Variants in RBFOX1 observed in about 807,000 individuals in gnomAD.
The protein encoded by RBFOX1 is RNA binding protein fox-1 homolog 1.
RBFOX1 carries 8 observed loss-of-function variants against 57.7 expected under a neutral mutation model. The observed-to-expected ratio is 0.14, with a 90% confidence interval of 0.08 to 0.25. RBFOX1 has a LOEUF of 0.25. Among genes scored for constraint, RBFOX1 ranks in the 10% least tolerant of loss-of-function variants. RBFOX1 has a pLI of 1.00. For synonymous variants in RBFOX1, 326 were observed against 222.4 expected (o/e 1.47, Z -4.15); for missense variants, 611 against 548.5 (o/e 1.11, Z -1.14).
rs561056033 is a variant in RBFOX1, at chr16:7,570,808, T to C, written c.271-8969T>C. Among the ~76,000 whole-genome samples, 6 of 152,290 alleles carry C rather than the reference T, an allele frequency of 3.9e-5. No homozygotes were observed. The East Asian group carries it at 1.2e-3, about 29-fold the overall frequency. On this transcript the variant is annotated intron_variant, in intron 5 of 15. Coordinates refer to ENST00000550418, the MANE Select transcript of RBFOX1 (RefSeq NM_018723.4). ...ACATGTATGTTCACTGCAGCACTAT[T>C]CACAATAGCAAAGACATGGAATCAA...
intron 3 of RBFOX1, among the ~76,000 whole-genome samples, chr16:6,852,300 C>A (rs988299434): frequency 6.6e-6 from 1 of 152,100 alleles, no homozygotes; most frequent in Non-Finnish European, 1.5e-5. Context: ...GCCTCTGCGT[C>A]TTTCTTTTAA....
In RBFOX1 at chr16:5,995,545, G is replaced by C. The variant is rs550344386; in HGVS notation, c.351+128210G>C. ...ATAAGGATACAGAAATGTGAGAGGG[G>C]ACAAAGAAATCTTTGTGCATCTAAC... On this transcript the variant is annotated intron_variant, in intron 4 of 19. Coordinates refer to the RBFOX1 transcript ENST00000641259. Among the ~76,000 whole-genome samples the C allele has an allele frequency of 1.3e-3, 200 of 152,308 alleles. 1 individual carries two copies. The highest frequency in any genetic ancestry group is 2.5e-3 in the Non-Finnish European group (172 of 68,032).
chr16:6,917,284 T>G (rs2073412654), intron 3 of RBFOX1, among the ~76,000 whole-genome samples: 1 of 152,174 alleles, frequency 6.6e-6, no homozygotes. Flanking sequence ...AGGGACTCAT[T>G]TGTAACCAAA....
chr16:7,605,451 T>A (rs992550982), intron 9 of RBFOX1, among the ~76,000 whole-genome samples: 2 of 152,144 alleles, frequency 1.3e-5, no homozygotes, highest in African/African-American at 4.8e-5. Context: ...ACTTTGAGAA[T>A]CTCTATTCTG....
At chr16:5,838,563 G>T in intron 3 of RBFOX1, 1 of 160,748 alleles carries the variant, frequency 6.2e-6, no homozygotes. Context: ...CGTCCTCTTT[G>T]GTTGTTAGAT....
At chr16:7,156,463 A>C (rs1286446440) in intron 4 of RBFOX1, among the ~76,000 whole-genome samples, 1 of 152,114 alleles carries the variant, frequency 6.6e-6, no homozygotes, top group Non-Finnish European at 1.5e-5. Flanking sequence ...GTACATATAC[A>C]TGCACATATA....
intron 1 of RBFOX1, among the ~76,000 whole-genome samples, chr16:6,165,337 C>T (rs1415031510): frequency 2.0e-5 from 3 of 152,102 alleles, no homozygotes; most frequent in Admixed American, 6.6e-5. Flanking sequence ...ACTACCCTTA[C>T]CAGTGCCAAA....
intron 2 of RBFOX1, among the ~76,000 whole-genome samples, chr16:6,329,313 AG>A (rs2082735078): frequency 3.3e-5 from 5 of 152,204 alleles, no homozygotes. Flanking sequence ...TGAGTGAGAT[AG>A]GTTCTGCTAA....
At chr16:6,453,333 A>C (rs938496342) in intron 2 of RBFOX1, among the ~76,000 whole-genome samples, 6 of 151,792 alleles carry the variant, frequency 4.0e-5, no homozygotes, top group South Asian at 2.1e-4. Flanking sequence ...TCATTATTCA[A>C]CTCGTATTTA....
chr16:7,503,898 T>A (rs887767461), intron 4 of RBFOX1, among the ~76,000 whole-genome samples: 3 of 152,236 alleles, frequency 2.0e-5, no homozygotes, highest in East Asian at 3.9e-4. Flanking sequence ...TGGTGATGGT[T>A]GGTTGGTATT....
intron 2 of RBFOX1, among the ~76,000 whole-genome samples, chr16:5,503,498 G>T (rs1204609772): frequency 6.6e-6 from 1 of 152,156 alleles, no homozygotes; most frequent in Non-Finnish European, 1.5e-5. Flanking sequence ...GTGCAGTGGC[G>T]CATGGCGCAA....
intron 3 of RBFOX1, among the ~76,000 whole-genome samples, chr16:5,818,629 G>T (rs1392664858): frequency 6.6e-6 from 1 of 152,204 alleles, no homozygotes; most frequent in South Asian, 2.1e-4. Context: ...GAAATTAGAA[G>T]AATTAGATAG....
intron 3 of RBFOX1, among the ~76,000 whole-genome samples, chr16:6,991,030 G>A (rs958115168): frequency 1.9e-4 from 28 of 151,170 alleles, no homozygotes; most frequent in African/African-American, 6.3e-4. Context: ...GGCCAGGCGT[G>A]GTGGCTCACA....
intron 4 of RBFOX1, among the ~76,000 whole-genome samples, chr16:5,983,132 A>T (rs967169681): frequency 6.6e-6 from 1 of 152,106 alleles, no homozygotes; most frequent in African/African-American, 2.4e-5. Context: ...AACTCCCTGC[A>T]TTCTCCCAGC....
chr16:6,485,983 T>G (rs2095471788), intron 2 of RBFOX1, among the ~76,000 whole-genome samples: 1 of 151,072 alleles, frequency 6.6e-6, no homozygotes. Flanking sequence ...TTGTGTTCCT[T>G]TTTGCTCTTA....
intron 4 of RBFOX1, among the ~76,000 whole-genome samples, chr16:7,096,864 G>C (rs1355968744): frequency 2.7e-5 from 4 of 149,122 alleles, no homozygotes; most frequent in Non-Finnish European, 5.9e-5. Context: ...CCCGGGAGGC[G>C]GAGGTTGCAG....
At chr16:6,867,016 TA>T (rs34911904) in intron 3 of RBFOX1, among the ~76,000 whole-genome samples, 5,577 of 140,704 alleles carry the variant, frequency 0.04, 175 homozygotes, top group African/African-American at 0.079. Context: ...AGCTGTTCTT[TA>T]AAAAAAAAAA....
At chr16:6,527,150 T>C (rs2096592122) in intron 2 of RBFOX1, among the ~76,000 whole-genome samples, 1 of 152,194 alleles carries the variant, frequency 6.6e-6, no homozygotes. Context: ...TTTTAAAACA[T>C]TCAAAAATAT....
At chr16:7,283,393 A>G (rs541685014) in intron 4 of RBFOX1, among the ~76,000 whole-genome samples, 6 of 152,044 alleles carry the variant, frequency 3.9e-5, no homozygotes, top group Non-Finnish European at 5.9e-5. Context: ...AGTGTCCACC[A>G]TGAGTTCCCA....
Sources: allele counts gnomAD v4.1 joint callset (sites outside exome capture counted in the v4.1 genomes callset), GRCh38; gene constraint gnomAD v4.1.1; transcripts MANE v1.5; gene names NCBI Gene and HGNC (gene_info 2026-07-23, HGNC 2026-07-21).